The following SLC4A4 variants were observed in gnomAD, a reference collection of about 807,000 sequenced individuals.
The protein encoded by SLC4A4 is solute carrier family 4 member 4.
Under a neutral mutation model 111.5 loss-of-function variants are expected in SLC4A4, and 27 were observed. The observed-to-expected ratio is 0.24, with a 90% CI of 0.18 to 0.33. The LOEUF is 0.33. Ranked by LOEUF, SLC4A4 falls within the 10% of genes least tolerant of loss-of-function variation. SLC4A4 has a pLI of 1.00. For missense variants in SLC4A4, 909 were observed against 1,315.5 expected (o/e 0.69, Z 4.78); for synonymous variants, 443 against 463.4 (o/e 0.96, Z 0.57).
chr4:71,187,923 G>A (rs76880501), intron 1 of SLC4A4, among the ~76,000 whole-genome samples: 10,952 of 152,254 alleles, frequency 0.072, 1,305 homozygotes, highest in African/African-American at 0.25. Context: ...TCCCTGGCAC[G>A]CCAAAGGCGG....
rs150391912 is a variant in SLC4A4 at position 71,108,855 on chromosome 4, A to G, written c.-2+16063A>G. On this transcript the variant is annotated intron_variant, in intron 2 of 26. Coordinates refer to the SLC4A4 transcript ENST00000649996. ...TTCCTTTCAGGTTTTCTATCTCTTT[A>G]TTGGTATTTCAATCTGTTCAGATAT... 7.9e-4 allele frequency among the ~76,000 whole-genome samples: 119 copies of G among 151,442 alleles called. 1 individual carries two copies. The Middle Eastern group carries it at 0.014, about 17-fold the overall frequency.
chr4:71,426,728 G>C (rs533054225), intron 7 of SLC4A4, among the ~76,000 whole-genome samples: 1 of 152,058 alleles, frequency 6.6e-6, no homozygotes, highest in Non-Finnish European at 1.5e-5. Flanking sequence ...TAATTGCCAA[G>C]GTTATATTAT....
chr4:71,435,268 A>G (rs1724019589), intron 7 of SLC4A4, among the ~76,000 whole-genome samples: 1 of 152,218 alleles, frequency 6.6e-6, no homozygotes, highest in South Asian at 2.1e-4. Flanking sequence ...ATCTACAACC[A>G]TCTGATCTTT....
rs36230675 is a variant in SLC4A4 at position 71,314,926 on chromosome 4, GTAAAA to G, written c.254-24429_254-24425del. On this transcript the variant is annotated intron_variant, in intron 3 of 25. Coordinates refer to ENST00000264485, the MANE Select transcript of SLC4A4 (RefSeq NM_001098484.3). ...CAGCACATGTATCCCAGAACTTAAAGTAAAATAAAATAAAATAAACAGTTTGTGAA... is the reference window on the plus strand; with the variant it reads ...CAGCACATGTATCCCAGAACTTAAAGTAAAATAAAATAAACAGTTTGTGAA... Among the ~76,000 whole-genome samples the G allele has an allele frequency of 4.2e-3, 641 of 152,034 alleles. 5 individuals carry two copies. Among genetic ancestry groups the G allele is most frequent in the Middle Eastern group, 0.017 (5 of 294 alleles).
chr4:71,545,776 T>A (rs750507215), intron 18 of SLC4A4, among the ~76,000 whole-genome samples: 5 of 152,054 alleles, frequency 3.3e-5, no homozygotes, highest in Non-Finnish European at 5.9e-5. Flanking sequence ...TGCTTTCGGA[T>A]CCTTACATAA....
At chr4:71,251,051 G>A (rs1483990490) in intron 2 of SLC4A4, among the ~76,000 whole-genome samples, 1 of 152,170 alleles carries the variant, frequency 6.6e-6, no homozygotes, top group Admixed American at 6.5e-5. Flanking sequence ...AGTAAACACA[G>A]CAACATGTTT....
intron 1 of SLC4A4, among the ~76,000 whole-genome samples, chr4:71,197,627 G>A (rs1746065974): frequency 6.6e-6 from 1 of 152,054 alleles, no homozygotes. Flanking sequence ...GCCTAAAAAG[G>A]CCTTTACCTA....
At chr4:71,139,928 T>C (rs1743950652) in intron 2 of SLC4A4, among the ~76,000 whole-genome samples, 1 of 151,674 alleles carries the variant, frequency 6.6e-6, no homozygotes, top group East Asian at 1.9e-4. Context: ...ATTCTGCTAT[T>C]TAATATTAGA....
Position 71,418,576 on chromosome 4 carries a change from G to A in SLC4A4, c.807+20923G>A, listed in dbSNP as rs779743321. 1.1e-4 allele frequency among the ~76,000 whole-genome samples: 17 copies of A among 152,096 alleles called. No individual in the cohort carries two copies. In the East Asian group the frequency reaches 1.9e-3, roughly 17 times the overall value. On this transcript the variant is annotated intron_variant, in intron 7 of 25. Transcript: ENST00000264485. ...TAGGCCTCTTAGATATTAGGCCAAC[G>A]GTATGTAAATTTAGTCATTGGAAAT...
chr4:71,353,691 C>G (rs1560434751), intron 5 of SLC4A4, among the ~76,000 whole-genome samples: 1 of 152,148 alleles, frequency 6.6e-6, no homozygotes, highest in Non-Finnish European at 1.5e-5. Flanking sequence ...TTATGCACAG[C>G]TAAATCTTAA....
At chr4:71,200,820 G>A (rs1280324058) in intron 1 of SLC4A4, among the ~76,000 whole-genome samples, 1 of 145,826 alleles carries the variant, frequency 6.9e-6, no homozygotes, top group Admixed American at 6.9e-5. Flanking sequence ...AAAAAAAAAA[G>A]GATGAGTGGT....
rs1037930528 is a variant in SLC4A4 at position 71,540,466 on chromosome 4, T to C, written c.2443-5884T>C. On this transcript the variant is annotated intron_variant, in intron 18 of 25. Transcript: ENST00000264485. ...TAAAATAATCTCCAGTTTCAGAAAATAGAACAACCGTTTGGTTTGTATTCA... is the reference window on the plus strand; with the variant it reads ...TAAAATAATCTCCAGTTTCAGAAAACAGAACAACCGTTTGGTTTGTATTCA... Among the ~76,000 whole-genome samples the C allele has an allele frequency of 2.0e-5, 3 of 152,144 alleles. 1 individual carries two copies. Among genetic ancestry groups the C allele is most frequent in the Non-Finnish European group, 4.4e-5 (3 of 67,994 alleles).
In SLC4A4 at chr4:71,390,376, T is replaced by C. The variant is rs16846328; in HGVS notation, c.731-7201T>C. Among the ~76,000 whole-genome samples, 1,170 of 152,314 alleles carry C rather than the reference T, an allele frequency of 7.7e-3. 16 individuals are homozygous for C. The highest frequency in any genetic ancestry group is 0.025 in the African/African-American group (1,030 of 41,568). On this transcript the variant is annotated intron_variant, in intron 6 of 25. Transcript: ENST00000264485. ...AATGGAGAATAGGCTGTATGTATAT[T>C]GTGGAATTTTGCAAACACTTGACTA...
chr4:71,446,250 C>A (rs1260909941), intron 8 of SLC4A4, among the ~76,000 whole-genome samples: 1 of 151,964 alleles, frequency 6.6e-6, no homozygotes, highest in Non-Finnish European at 1.5e-5. Context: ...AAAGTATTTG[C>A]TGTCAATCCT....
chr4:71,179,229 C>T (rs1745202699), intron 2 of SLC4A4, among the ~76,000 whole-genome samples: 1 of 152,106 alleles, frequency 6.6e-6, no homozygotes, highest in Admixed American at 6.5e-5. Flanking sequence ...CTATCTATGA[C>T]AAACCCACAG....
At chr4:71,324,149 G>A (rs1254374248) in intron 3 of SLC4A4, among the ~76,000 whole-genome samples, 4 of 151,884 alleles carry the variant, frequency 2.6e-5, no homozygotes, top group Admixed American at 6.6e-5. Context: ...GGTGATTACC[G>A]TTTCTGTGAA....
intron 3 of SLC4A4, among the ~76,000 whole-genome samples, chr4:71,258,112 A>G (rs6856282): frequency 0.18 from 27,286 of 152,034 alleles, 3,006 homozygotes; most frequent in East Asian, 0.44. Context: ...TAAAACCTCA[A>G]TTGGGCATCA....
chr4:71,087,161 C>T (rs1173656395), intron 1 of SLC4A4, among the ~76,000 whole-genome samples: 2 of 152,110 alleles, frequency 1.3e-5, no homozygotes, highest in East Asian at 3.9e-4. Flanking sequence ...GGAATGTATC[C>T]ATTTCTTCTA....
At chr4:71,152,212 TC>T (rs1474138815) in intron 2 of SLC4A4, among the ~76,000 whole-genome samples, 6 of 152,206 alleles carry the variant, frequency 3.9e-5, no homozygotes, top group African/African-American at 1.4e-4. Context: ...TATTCCCTTC[TC>T]ACCAAGTGGT....
Sources: gnomAD v4.1 joint callset for allele counts (sites outside exome capture counted in the v4.1 genomes callset) on GRCh38, gnomAD v4.1.1 for gene constraint, MANE v1.5 for transcripts, NCBI Gene and HGNC (gene_info 2026-07-23, HGNC 2026-07-21) for gene names.